Variants in SUFU observed in about 807,000 individuals in gnomAD.
SUFU encodes the protein suppressor of fused homolog.
A neutral mutation model predicts 58.9 loss-of-function variants in SUFU; 7 were observed. The observed-to-expected ratio is 0.12, with a 90% CI of 0.07 to 0.22. The LOEUF (loss-of-function observed/expected upper bound fraction) is 0.22, where lower values mean the gene tolerates loss of function less well. Among genes scored for constraint, SUFU ranks in the 10% least tolerant of loss-of-function variants. The pLI, the probability that SUFU is intolerant of heterozygous loss-of-function variation, is 1.00. For synonymous variants in SUFU, 232 were observed against 254.8 expected (o/e 0.91, Z 0.85); for missense variants, 451 against 641.3 (o/e 0.70, Z 3.20).
At chr10:102,552,431 T>TA (rs890357390) in intron 3 of SUFU, among the ~76,000 whole-genome samples, 3 of 146,718 alleles carry the variant, frequency 2.0e-5, no homozygotes, top group East Asian at 4.0e-4. Flanking sequence ...AGACCCCACC[T>TA]AAAAAAAAAA....
In SUFU at chr10:102,578,074, G is replaced by A. The variant is rs181316003; in HGVS notation, c.455-14508G>A. Among the ~76,000 whole-genome samples the A allele has an allele frequency of 2.3e-3, 341 of 150,128 alleles. 3 individuals are homozygous for A. The highest frequency in any genetic ancestry group is 7.8e-3 in the African/African-American group (320 of 41,096). On this transcript the variant is annotated intron_variant, in intron 3 of 11. Transcript: ENST00000369902. Reference sequence around the variant, plus strand: ...TGTAATCCCAGTACTTTGGGAGGCCGAGGCGGGTGAATCACGAGGTCAGGA... The same window carrying A: ...TGTAATCCCAGTACTTTGGGAGGCCAAGGCGGGTGAATCACGAGGTCAGGA...
At position 102,630,426 on chromosome 10, in the gene SUFU, C is replaced by T. The variant is rs2063828048; in HGVS notation, c.*271C>T. Reference sequence around the variant, plus strand: ...AATGCGGACCCTCCCTGCCTGCAGCCTGCACAGATTCTGGTTTGAGGTTTG... The same window carrying T: ...AATGCGGACCCTCCCTGCCTGCAGCTTGCACAGATTCTGGTTTGAGGTTTG... On this transcript the variant is annotated 3_prime_UTR_variant, in exon 12 of 12. Transcript: ENST00000369902. 3.8e-6 allele frequency: 2 copies of T among 519,986 alleles called. No individual in the cohort carries two copies. Among genetic ancestry groups the T allele is most frequent in the Non-Finnish European group, 7.0e-6 (2 of 285,578 alleles). 32.2% of individuals were successfully genotyped at this position (519,986 alleles called of 1,614,324 possible). A position where few individuals can be genotyped will look rare whatever the true frequency, so the allele number is the denominator to read the frequency against.
chr10:102,521,783 C>G, intron 2 of SUFU, among the ~76,000 whole-genome samples: 1 of 152,172 alleles, frequency 6.6e-6, no homozygotes, highest in Admixed American at 6.5e-5. Flanking sequence ...CTTTCCTGGC[C>G]TGGCCTTTTG....
At chr10:102,622,955 C>T (rs2063753300) in intron 10 of SUFU, among the ~76,000 whole-genome samples, 1 of 140,480 alleles carries the variant, frequency 7.1e-6, no homozygotes. Flanking sequence ...CGTGCCATTG[C>T]ACTCCAGCCT....
Position 102,527,041 on chromosome 10 carries a change from G to A in SUFU, c.317+17738G>A, listed in dbSNP as rs576520570. On this transcript the variant is annotated intron_variant, in intron 2 of 11. Coordinates refer to ENST00000369902, the MANE Select transcript of SUFU (RefSeq NM_016169.4). ...AGATGGAGTCTCGCTCTGTCGCCCA[G>A]GCTGGAGTGCAGTGGCAGTGGTGCG... is the stretch of plus-strand genomic sequence containing the variant. Among the ~76,000 whole-genome samples, 32 of 141,610 alleles carry A rather than the reference G, an allele frequency of 2.3e-4. No homozygotes were observed. In the South Asian group the frequency reaches 6.9e-3, roughly 31 times the overall value. The allele number at this position is 141,610 out of a possible 152,430, so 92.9% of individuals were successfully genotyped here.
chr10:102,592,244 C>G (rs1359239924), intron 3 of SUFU, among the ~76,000 whole-genome samples: 2 of 152,192 alleles, frequency 1.3e-5, no homozygotes, highest in African/African-American at 4.8e-5. Context: ...TCTTTCTTGG[C>G]AGATCCAGTC....
chr10:102,600,859 A>C (rs562326658), intron 8 of SUFU, among the ~76,000 whole-genome samples: 1 of 152,278 alleles, frequency 6.6e-6, no homozygotes, highest in Non-Finnish European at 1.5e-5. Flanking sequence ...AGCAGCTTTT[A>C]ACTCCGGCCT....
chr10:102,561,858 A>G (rs1304198807), intron 3 of SUFU, among the ~76,000 whole-genome samples: 2 of 151,968 alleles, frequency 1.3e-5, no homozygotes, highest in Non-Finnish European at 2.9e-5. Context: ...TTGTGGAGAC[A>G]GGATTTCGCC....
At position 102,617,852 on chromosome 10, in the gene SUFU, A is replaced by G; in HGVS notation, c.1296+424A>G. 1 of 415,050 alleles carries G rather than the reference A, an allele frequency of 2.4e-6. No individual in the cohort carries two copies. The allele number at this position is 415,050 out of a possible 1,614,324, so 25.7% of individuals were successfully genotyped here. ...ATCCCACCAGAATTCAGACAGTGGC[A>G]TGTGTGCCTGGACCAGGGCTGGGCA... On this transcript the variant is annotated intron_variant, in intron 10 of 11. Coordinates refer to ENST00000369902, the MANE Select transcript of SUFU (RefSeq NM_016169.4). The surrounding 1 kb of genome is among the most constrained non-coding windows in gnomAD (Gnocchi z 4.4).
chr10:102,577,080 C>CTTTTTTT lies in SUFU; in HGVS notation c.455-15498_455-15497insTTTTTTT, dbSNP rs10656431. 3.6e-4 allele frequency among the ~76,000 whole-genome samples: 35 copies of CTTTTTTT among 97,078 alleles called. 10 individuals are homozygous for CTTTTTTT. The highest frequency in any genetic ancestry group is 3.8e-4 in the Non-Finnish European group (17 of 45,250). The allele number at this position is 97,078 out of a possible 152,430, so 63.7% of individuals were successfully genotyped here. A position where few individuals can be genotyped will look rare whatever the true frequency, so the allele number is the denominator to read the frequency against. ...AGTAGAAGCATGTCCTGGATTTTTT[C>CTTTTTTT]TTTTCTTTTTTTTTTTTTTTTGAGA... On this transcript the variant is annotated intron_variant, in intron 3 of 11. Coordinates refer to ENST00000369902, the MANE Select transcript of SUFU (RefSeq NM_016169.4).
intron 1 of SUFU, among the ~76,000 whole-genome samples, chr10:102,506,039 GAAAAAAAAAAAA>G (rs1170831161): frequency 2.5e-4 from 21 of 84,214 alleles, no homozygotes; most frequent in Admixed American, 5.2e-4. Flanking sequence ...TCTGTTATTT[GAAAAAAAAAAAA>G]AAAAAAAAAA....
chr10:102,582,558 A>G (rs2063292852), intron 3 of SUFU, among the ~76,000 whole-genome samples: 1 of 151,662 alleles, frequency 6.6e-6, no homozygotes, highest in African/African-American at 2.4e-5. Flanking sequence ...CCTGTTCAGC[A>G]CCCCCCACGT....
rs557592503 is a variant in SUFU, at chr10:102,627,162, T to C, written c.1297-13T>C. On this transcript the variant is annotated splice_polypyrimidine_tract_variant and intron_variant, in intron 10 of 11. Transcript: ENST00000369902. ...TAAAAATAATAATAAAAGCCTGCCT[T>C]GTGCCTTCACAGATTCTGTTGACCG... 29 of 1,614,094 alleles carry C rather than the reference T, an allele frequency of 1.8e-5. No homozygotes were observed. The African/African-American group carries it at 3.7e-4, about 21-fold the overall frequency.
rs117196884 is a variant in SUFU, at chr10:102,631,827, A to G, written c.*1672A>G. 2,351 of 233,328 alleles carry G rather than the reference A, an allele frequency of 0.01. 25 individuals are homozygous for G. The highest frequency in any genetic ancestry group is 0.023 in the Middle Eastern group (18 of 786). The allele number at this position is 233,328 out of a possible 1,614,324, so 14.5% of individuals were successfully genotyped here. On this transcript the variant is annotated 3_prime_UTR_variant, in exon 12 of 12. Coordinates refer to ENST00000369902, the MANE Select transcript of SUFU (RefSeq NM_016169.4). ...GTTAATTCCATCAAGCTCAGAGTTA[A>G]AAGGCATATCAGCCTGGAGTATTTG...
chr10:102,551,122 G>A (rs544027839), intron 3 of SUFU, among the ~76,000 whole-genome samples: 47 of 152,284 alleles, frequency 3.1e-4, no homozygotes, highest in African/African-American at 1.0e-3. Flanking sequence ...CCCTCTGCCC[G>A]CATTTCACAC....
At chr10:102,570,054 T>A (rs2063144149) in intron 3 of SUFU, among the ~76,000 whole-genome samples, 1 of 152,182 alleles carries the variant, frequency 6.6e-6, no homozygotes, top group Non-Finnish European at 1.5e-5. Flanking sequence ...CTGTTAACTC[T>A]TCATTGGGAT....
chr10:102,579,909 G>A, intron 3 of SUFU: 1 of 971,702 alleles, frequency 1.0e-6, no homozygotes, highest in Non-Finnish European at 1.2e-6. Flanking sequence ...ACCAAGTTGG[G>A]AAACTCTACA....
At chr10:102,517,286 C>CA (rs1225919318) in intron 2 of SUFU, among the ~76,000 whole-genome samples, 3 of 151,714 alleles carry the variant, frequency 2.0e-5, no homozygotes, top group East Asian at 3.9e-4. Flanking sequence ...AGACTCTGTC[C>CA]AAAAAAACAA....
chr10:102,550,810 C>T (rs1030753996), intron 3 of SUFU, among the ~76,000 whole-genome samples: 2 of 150,008 alleles, frequency 1.3e-5, no homozygotes, highest in African/African-American at 4.9e-5. Flanking sequence ...GGCGCAATCT[C>T]GACTCACTGC....
Sources: allele counts gnomAD v4.1 joint callset (sites outside exome capture counted in the v4.1 genomes callset), GRCh38; gene constraint gnomAD v4.1.1; non-coding constraint Gnocchi (gnomAD v3.1); transcripts MANE v1.5; gene names NCBI Gene and HGNC (gene_info 2026-07-23, HGNC 2026-07-21).